Variants in BTBD7 observed in about 807,000 individuals in gnomAD.
BTBD7 encodes the protein BTB domain containing 7.
In BTBD7, 38 loss-of-function variants were observed where a neutral mutation model predicts 99.9. That is an observed-to-expected ratio of 0.38 (90% CI 0.29 to 0.50). The LOEUF (loss-of-function observed/expected upper bound fraction) is 0.50, where lower values mean the gene tolerates loss of function less well. BTBD7 is among the 20% of genes least tolerant of loss of function. The pLI, the probability that BTBD7 is intolerant of heterozygous loss-of-function variation, is 0.93. For missense variants in BTBD7, 1,170 were observed against 1,394.6 expected (o/e 0.84, Z 2.57); for synonymous variants, 520 against 511.4 (o/e 1.02, Z -0.23).
chr14:93,248,398 AC>A, intron 9 of BTBD7, 77 bp downstream of exon 9: 1 of 1,448,416 alleles, frequency 6.9e-7, no homozygotes, highest in Non-Finnish European at 9.4e-7. Flanking sequence ...TAAGCCAAGG[AC>A]TCGTCAGGAT....
At position 93,242,310 on chromosome 14, in the gene BTBD7, C is replaced by A. The variant is rs1279264784; in HGVS notation, c.3362G>T (p.Ser1121Ile). 1.2e-6 allele frequency: 2 copies of A among 1,614,060 alleles called. No homozygotes were observed. The highest frequency in any genetic ancestry group is 3.3e-5 in the Admixed American group (2 of 60,014). Reference sequence around the variant, plus strand: ...CTTTTTGTAGAGGAAGTCCGGCTTGCTTGGTGACCTCCTTCCTCTGCTTAT... The same window carrying A: ...CTTTTTGTAGAGGAAGTCCGGCTTGATTGGTGACCTCCTTCCTCTGCTTAT... ...DSISRGRRSP[S>I]KPDFLYKKSA... The change falls in exon 11 of 11, where the codon AGC becomes ATC. Residue 1121 changes from serine (S) to isoleucine (I), a missense_variant. This residue lies in a region of BTBD7 where 495 missense variants were observed against 525.9 expected (regional missense o/e 0.94). Transcript: ENST00000334746.
At chr14:93,280,844 G>C (rs919457452) in intron 3 of BTBD7, among the ~76,000 whole-genome samples, 1 of 149,360 alleles carries the variant, frequency 6.7e-6, no homozygotes, top group Non-Finnish European at 1.5e-5. Flanking sequence ...TTTATAAAAA[G>C]GCACCTTTTT....
chr14:93,252,074 C>G (rs1023936063), intron 7 of BTBD7, among the ~76,000 whole-genome samples: 2 of 152,122 alleles, frequency 1.3e-5, no homozygotes, highest in Non-Finnish European at 2.9e-5. Flanking sequence ...CTTTGGGAGG[C>G]TGAGGTGGGT....
chr14:93,313,783 GAGTAT>G (rs1456859038), intron 1 of BTBD7, among the ~76,000 whole-genome samples: 11 of 152,052 alleles, frequency 7.2e-5, no homozygotes, highest in Admixed American at 7.2e-4. Context: ...GTCTAGGCTA[GAGTAT>G]AGTAGTTCAC....
In BTBD7 at chr14:93,325,156, C is replaced by T. The variant is rs189083925; in HGVS notation, c.-107+7664G>A. 2.1e-4 allele frequency among the ~76,000 whole-genome samples: 31 copies of T among 144,392 alleles called. No individual in the cohort carries two copies. In the Admixed American group the frequency reaches 2.2e-3, roughly 10 times the overall value. 94.7% of individuals were successfully genotyped at this position (144,392 alleles called of 152,430 possible). A position where few individuals can be genotyped will look rare whatever the true frequency, so the allele number is the denominator to read the frequency against. ...TGAGACAGAGTCTAGCTCTATCACC[C>T]AGGCTGAAGTGCAGTGGCGCAATCT... On this transcript the variant is annotated intron_variant, in intron 1 of 10. Transcript: ENST00000334746.
Position 93,264,010 on chromosome 14 carries a change from A to AT in BTBD7, c.1163-18dup, listed in dbSNP as rs1432814192. 1 of 1,595,856 alleles carries AT rather than the reference A, an allele frequency of 6.3e-7. No individual in the cohort carries two copies. Among genetic ancestry groups the AT allele is most frequent in the Non-Finnish European group, 8.6e-7 (1 of 1,163,722 alleles). On this transcript the variant is annotated splice_polypyrimidine_tract_variant and intron_variant, in intron 3 of 10. Transcript: ENST00000334746. ...CCTCACAGCCTAAAAGAGAAGGCAA[A>AT]TACTTCTTGAGATTAATCATAAATA...
At chr14:93,325,445 A>T (rs2053319836) in intron 1 of BTBD7, among the ~76,000 whole-genome samples, 1 of 152,108 alleles carries the variant, frequency 6.6e-6, no homozygotes, top group African/African-American at 2.4e-5. Context: ...TAAGAACATA[A>T]TTGTCATAGT....
intron 3 of BTBD7, among the ~76,000 whole-genome samples, chr14:93,292,497 T>C (rs1357879494): frequency 6.6e-6 from 1 of 152,190 alleles, no homozygotes; most frequent in East Asian, 1.9e-4. Flanking sequence ...TTTAATGACA[T>C]TTTGGTTGTT....
intron 1 of BTBD7, among the ~76,000 whole-genome samples, chr14:93,300,701 AATTT>A (rs1215285757): frequency 1.3e-4 from 16 of 122,992 alleles, no homozygotes; most frequent in Non-Finnish European, 2.2e-4. Flanking sequence ...ATGCCCAGCT[AATTT>A]GTGTGTGTGT....
rs1456990094 is a variant in BTBD7, at chr14:93,239,097, CA to C, written c.*3175del. The C allele has an allele frequency of 1.3e-5, 2 of 152,190 alleles. No homozygotes were observed. The highest frequency in any genetic ancestry group is 2.4e-5 in the African/African-American group (1 of 41,422). 9.4% of individuals were successfully genotyped at this position (152,190 alleles called of 1,614,324 possible). Reference sequence around the variant, plus strand: ...TGAGAACGGGCGTGGAAAATTGAAACAATTACGTTTCAAATACTTTTTGCCT... The same window carrying C: ...TGAGAACGGGCGTGGAAAATTGAAACATTACGTTTCAAATACTTTTTGCCT... On this transcript the variant is annotated 3_prime_UTR_variant, in exon 11 of 11. Transcript: ENST00000334746.
At chr14:93,275,595 C>T (rs571974086) in intron 3 of BTBD7, among the ~76,000 whole-genome samples, 103 of 152,248 alleles carry the variant, frequency 6.8e-4, no homozygotes, top group African/African-American at 2.2e-3. Flanking sequence ...CATCATTGTG[C>T]GAACATCAGA....
rs1491546188 is a variant in BTBD7 at position 93,324,422 on chromosome 14, A to AAAAAAAAAATAAT, written c.-107+8397_-107+8398insATTATTTTTTTTT. Among the ~76,000 whole-genome samples, 2 of 101,610 alleles carry AAAAAAAAAATAAT rather than the reference A, an allele frequency of 2.0e-5. 1 individual carries two copies. Among genetic ancestry groups the AAAAAAAAAATAAT allele is most frequent in the South Asian group, 7.3e-4 (2 of 2,728 alleles). 66.7% of individuals were successfully genotyped at this position (101,610 alleles called of 152,430 possible). ...GGGTGACAGAGCGAGACCCTGTCTC[A>AAAAAAAAAATAAT]AAAAAAAAAAAAAGAGATTTTTGAT... is the stretch of plus-strand genomic sequence containing the variant. On this transcript the variant is annotated intron_variant, in intron 1 of 10. Transcript: ENST00000334746.
chr14:93,246,312 AAG>A lies in BTBD7; in HGVS notation c.2122-28_2122-27del, dbSNP rs1470337355. ...CTAAAAAAGATTAAAAAAAAAAAAA[AAG>A]GACATTTATTAGCAGATTTCATAAG... On this transcript the variant is annotated intron_variant, in intron 9 of 10. Coordinates refer to ENST00000334746, the MANE Select transcript of BTBD7 (RefSeq NM_001002860.4). The A allele has an allele frequency of 6.8e-6, 9 of 1,323,130 alleles. No individual in the cohort carries two copies. The African/African-American group carries it at 9.6e-5, about 14-fold the overall frequency. 82.0% of individuals were successfully genotyped at this position (1,323,130 alleles called of 1,614,324 possible). A position where few individuals can be genotyped will look rare whatever the true frequency, so the allele number is the denominator to read the frequency against.
intron 3 of BTBD7, among the ~76,000 whole-genome samples, chr14:93,268,524 G>A (rs990728780): frequency 6.6e-6 from 1 of 152,082 alleles, no homozygotes; most frequent in African/African-American, 2.4e-5. Context: ...CAGGCTCTGT[G>A]TTAACTGCTT....
At chr14:93,276,236 T>A (rs2052655210) in intron 3 of BTBD7, among the ~76,000 whole-genome samples, 1 of 152,130 alleles carries the variant, frequency 6.6e-6, no homozygotes. Context: ...CTTACAAGAT[T>A]TTCCCGCAAG....
At position 93,257,111 on chromosome 14, in the gene BTBD7, T is replaced by G. The variant is rs921557357; in HGVS notation, c.1608+84A>C. On this transcript the variant is annotated intron_variant, in intron 6 of 10. Coordinates refer to ENST00000334746, the MANE Select transcript of BTBD7 (RefSeq NM_001002860.4). ...TTACAGCTTCACAATACTCTATTAG[T>G]AGCAGAAATTATTTACAATGAATAA... is the stretch of plus-strand genomic sequence containing the variant. 9.6e-6 allele frequency: 13 copies of G among 1,348,456 alleles called. No homozygotes were observed. In the African/African-American group the frequency reaches 1.3e-4, roughly 14 times the overall value. 83.5% of individuals were successfully genotyped at this position (1,348,456 alleles called of 1,614,324 possible). A position where few individuals can be genotyped will look rare whatever the true frequency, so the allele number is the denominator to read the frequency against.
At chr14:93,273,873 T>C (rs939857873) in intron 3 of BTBD7, among the ~76,000 whole-genome samples, 2 of 152,072 alleles carry the variant, frequency 1.3e-5, no homozygotes, top group East Asian at 1.9e-4. Context: ...GACCTGGCTA[T>C]ATGCACTGGC....
chr14:93,260,553 ATTTT>A (rs758622305), intron 5 of BTBD7, among the ~76,000 whole-genome samples: 1 of 136,458 alleles, frequency 7.3e-6, no homozygotes. Flanking sequence ...CTTCCACAAC[ATTTT>A]TTTTTTTTTT....
intron 1 of BTBD7, among the ~76,000 whole-genome samples, chr14:93,323,411 T>C (rs541884882): frequency 6.6e-4 from 101 of 152,336 alleles, no homozygotes; most frequent in South Asian, 1.0e-3. Flanking sequence ...ACTATGACTC[T>C]GCAATTGAGG....
Sources: gnomAD v4.1 joint callset for allele counts (sites outside exome capture counted in the v4.1 genomes callset) on GRCh38, gnomAD v4.1.1 for gene constraint, gnomAD v4.1.1 regional missense constraint, MANE v1.5 for transcripts, NCBI Gene and HGNC (gene_info 2026-07-23, HGNC 2026-07-21) for gene names.